HTR4: variants seen among roughly 807,000 people sequenced by gnomAD.
HTR4 encodes 5-hydroxytryptamine receptor 4, also known as 5-hydroxytryptamine (serotonin) receptor 4, G protein-coupled.
Under a neutral mutation model 36.8 loss-of-function variants are expected in HTR4, and 16 were observed. The ratio of observed to expected loss-of-function variants is 0.43; its 90% confidence interval spans 0.29 to 0.66. HTR4 has a LOEUF of 0.66. Ranked by LOEUF, HTR4 falls within the 30% of genes least tolerant of loss-of-function variation. The pLI, the probability that HTR4 is intolerant of heterozygous loss-of-function variation, is 0.13. For missense variants in HTR4, 438 were observed against 490.9 expected (o/e 0.89, Z 1.02); for synonymous variants, 189 against 185.1 (o/e 1.02, Z -0.17).
At chr5:148,461,235 AC>A (rs970208610) in intron 5 of HTR4, among the ~76,000 whole-genome samples, 1 of 152,006 alleles carries the variant, frequency 6.6e-6, no homozygotes, top group African/African-American at 2.4e-5. Context: ...AACGAGGGCA[AC>A]AAATAGAAGA....
Position 148,514,127 on chromosome 5 carries a change from C to A in HTR4, c.508-4103G>T, listed in dbSNP as rs972313338. 7.2e-5 allele frequency among the ~76,000 whole-genome samples: 11 copies of A among 152,060 alleles called. 1 individual carries two copies. The highest frequency in any genetic ancestry group is 2.7e-4 in the African/African-American group (11 of 41,420). Reference sequence around the variant, plus strand: ...TCTTGCTTTATTGAGCTTGATAGGGCCTCCCATCTAATTTTGAATAAAAAT... The same window carrying A: ...TCTTGCTTTATTGAGCTTGATAGGGACTCCCATCTAATTTTGAATAAAAAT... On this transcript the variant is annotated intron_variant, in intron 5 of 6. Transcript: ENST00000377888.
chr5:148,553,763 T>C (rs376864493), intron 2 of HTR4, among the ~76,000 whole-genome samples: 2 of 152,220 alleles, frequency 1.3e-5, no homozygotes, highest in Non-Finnish European at 1.5e-5. Context: ...TGGAAACACT[T>C]GTGCATTGCT....
intron 4 of HTR4, among the ~76,000 whole-genome samples, chr5:148,534,229 T>A (rs1189475243): frequency 6.6e-6 from 1 of 152,244 alleles, no homozygotes; most frequent in Admixed American, 6.5e-5. Context: ...GCATTTGGGC[T>A]GGTAACAGGT....
chr5:148,512,269 C>T (rs1248301626), intron 5 of HTR4, among the ~76,000 whole-genome samples: 4 of 152,114 alleles, frequency 2.6e-5, no homozygotes, highest in Non-Finnish European at 2.9e-5. Flanking sequence ...GAATTAAATC[C>T]AATAAACTTG....
chr5:148,475,407 C>G (rs10037493), downstream of HTR4, among the ~76,000 whole-genome samples: 4 of 151,896 alleles, frequency 2.6e-5, no homozygotes, highest in Non-Finnish European at 5.9e-5. Context: ...AAGTTGCATC[C>G]TTTTACTGTC....
At chr5:148,605,183 G>A (rs2127273265) in intron 2 of HTR4, among the ~76,000 whole-genome samples, 1 of 151,714 alleles carries the variant, frequency 6.6e-6, no homozygotes, top group South Asian at 2.1e-4. Context: ...TTGGTCTCTT[G>A]GGTCTCTGCT....
chr5:148,507,620 A>C (rs1039755062), intron 6 of HTR4, among the ~76,000 whole-genome samples: 10 of 152,048 alleles, frequency 6.6e-5, no homozygotes, highest in African/African-American at 2.4e-4. Flanking sequence ...TGGAGTGTAC[A>C]TCCATATGCC....
At chr5:148,465,445 G>A (rs976513572) in intron 5 of HTR4, among the ~76,000 whole-genome samples, 1 of 152,064 alleles carries the variant, frequency 6.6e-6, no homozygotes, top group East Asian at 1.9e-4. Flanking sequence ...ATTTAGTCAC[G>A]ATCAATTGTT....
intron 4 of HTR4, among the ~76,000 whole-genome samples, chr5:148,528,447 C>A (rs1468564275): frequency 1.3e-5 from 2 of 152,022 alleles, no homozygotes; most frequent in Non-Finnish European, 2.9e-5. Flanking sequence ...CACCTCATAT[C>A]CTTCCAATGT....
chr5:148,650,423 T>A (rs1332120030), intron 1 of HTR4, among the ~76,000 whole-genome samples: 2 of 152,232 alleles, frequency 1.3e-5, no homozygotes, highest in African/African-American at 4.8e-5. Flanking sequence ...GCTAGCCCTA[T>A]GAATAAGTCT....
intron 5 of HTR4, among the ~76,000 whole-genome samples, chr5:148,452,189 ATTACT>A (rs544957333): frequency 1.8e-4 from 27 of 152,162 alleles, no homozygotes; most frequent in Non-Finnish European, 2.2e-4. Flanking sequence ...CTCTCCATAA[ATTACT>A]TTATTTAATC....
At chr5:148,544,660 G>A (rs1226553612) in intron 4 of HTR4, among the ~76,000 whole-genome samples, 4 of 152,098 alleles carry the variant, frequency 2.6e-5, no homozygotes, top group African/African-American at 9.7e-5. Context: ...ACTATATGGT[G>A]CATTTATTTT....
chr5:148,477,889 T>TA (rs1163925130), downstream of HTR4, among the ~76,000 whole-genome samples: 42 of 152,186 alleles, frequency 2.8e-4, 1 homozygote, highest in Admixed American at 2.8e-3. Flanking sequence ...CCTGACTCCT[T>TA]AGAATGCTTG....
chr5:148,503,156 T>C (rs930702570), intron 6 of HTR4, among the ~76,000 whole-genome samples: 1 of 151,904 alleles, frequency 6.6e-6, no homozygotes, highest in African/African-American at 2.4e-5. Context: ...ACAAAGATAC[T>C]CCTCGAGAAG....
At position 148,548,751 on chromosome 5, in the gene HTR4, C is replaced by A; in HGVS notation, c.270G>T (p.Glu90Asp). 1 of 1,613,818 alleles carries A rather than the reference C, an allele frequency of 6.2e-7. No individual in the cohort carries two copies. The highest frequency in any genetic ancestry group is 8.5e-7 in the Non-Finnish European group (1 of 1,179,860). ...GAGATGTCCGAACAAGACAAAACAC[C>A]TCCCCATAAATCCAGATGTCTTGAA... Reference protein sequence around the residue: ...ELVQDIWIYGEVFCLVRTSLD... With the variant: ...ELVQDIWIYGDVFCLVRTSLD... Residue 90 changes from glutamate to aspartate, a missense_variant, in exon 4 of 7, where the codon GAG (glutamate) becomes GAT (aspartate). Physicochemically the swap from Glu to Asp is conservative, Grantham distance 45 (BLOSUM62 2). Transcript: ENST00000377888.
chr5:148,533,404 T>C (rs1758667687), intron 4 of HTR4, among the ~76,000 whole-genome samples: 2 of 152,244 alleles, frequency 1.3e-5, no homozygotes, highest in Admixed American at 6.5e-5. Flanking sequence ...CTTCTCCCAC[T>C]GCAGCCATGT....
chr5:148,606,252 A>T (rs922588438), intron 2 of HTR4, among the ~76,000 whole-genome samples: 1 of 152,126 alleles, frequency 6.6e-6, no homozygotes, highest in African/African-American at 2.4e-5. Flanking sequence ...GAGCAAAATT[A>T]GAGCTGAGAG....
At chr5:148,592,129 T>A (rs550347890) in intron 2 of HTR4, among the ~76,000 whole-genome samples, 1 of 151,518 alleles carries the variant, frequency 6.6e-6, no homozygotes, top group Admixed American at 6.6e-5. Context: ...TAAACTAACA[T>A]AGGAACAAAA....
At chr5:148,618,255 A>C (rs1343745293) in intron 2 of HTR4, among the ~76,000 whole-genome samples, 1 of 152,148 alleles carries the variant, frequency 6.6e-6, no homozygotes, top group Non-Finnish European at 1.5e-5. Flanking sequence ...CAAGAACCCA[A>C]GAGTCAAGGA....
Sources: allele counts gnomAD v4.1 joint callset (sites outside exome capture counted in the v4.1 genomes callset), GRCh38; gene constraint gnomAD v4.1.1; transcripts MANE v1.5; gene names NCBI Gene and HGNC (gene_info 2026-07-23, HGNC 2026-07-21).